DMD: variants seen among roughly 807,000 people sequenced by gnomAD.
DMD encodes the protein mutant dystrophin.
DMD carries 63 observed loss-of-function variants against 330.1 expected under a neutral mutation model. The observed-to-expected ratio is 0.19, with a 90% CI of 0.16 to 0.24. DMD has a LOEUF of 0.24. Among genes scored for constraint, DMD ranks in the 10% least tolerant of loss-of-function variants. The pLI, the probability that DMD is intolerant of heterozygous loss-of-function variation, is 1.00. For missense variants in DMD, 3,344 were observed against 2,684.1 expected (o/e 1.25, Z -5.43); for synonymous variants, 1,223 against 959.8 (o/e 1.27, Z -5.07).
At chrX:31,707,280 C>G (rs1400362364) in intron 52 of DMD, among the ~76,000 whole-genome samples, 1 of 110,850 alleles carries the variant, frequency 9.0e-6, no homozygotes, top group African/African-American at 3.3e-5. Context: ...AGGGCGTCAT[C>G]ATCCTAATTG....
intron 51 of DMD, among the ~76,000 whole-genome samples, chrX:31,731,744 T>C (rs928358398): frequency 3.6e-5 from 4 of 111,467 alleles, no homozygotes; most frequent in Non-Finnish European, 7.6e-5. Context: ...CTTTATTGGG[T>C]TGTTCTTCTT....
chrX:31,220,934 A>G (rs1296243123), intron 64 of DMD, among the ~76,000 whole-genome samples: 4 of 68,859 alleles, frequency 5.8e-5, no homozygotes, highest in African/African-American at 2.4e-4. Flanking sequence ...CTCATCAGCT[A>G]CCGTTAGCGT....
intron 44 of DMD, among the ~76,000 whole-genome samples, chrX:32,082,425 T>TATCC (rs753544475): frequency 5.9e-4 from 65 of 109,808 alleles, no homozygotes; most frequent in East Asian, 5.7e-4. Context: ...TCTATCTATC[T>TATCC]ATCTATCTAT....
Position 31,121,821 on chromosome X carries a change from G to T in DMD, c.*98C>A. 1 of 1,120,140 alleles carries T rather than the reference G, an allele frequency of 8.9e-7. No individual in the cohort carries two copies. Among genetic ancestry groups the T allele is most frequent in the Non-Finnish European group, 1.2e-6 (1 of 812,290 alleles). 92.3% of individuals were successfully genotyped at this position (1,120,140 alleles called of 1,213,427 possible). A position where few individuals can be genotyped will look rare whatever the true frequency, so the allele number is the denominator to read the frequency against. The stretch of plus-strand genomic sequence containing the variant: ...TATAAAAACCATGCGGGAATCAGGA[G>T]TTGTAAAACATTTATTCTGCTCCTT... On this transcript the variant is annotated 3_prime_UTR_variant, in exon 79 of 79. Transcript: ENST00000357033.
intron 1 of DMD, among the ~76,000 whole-genome samples, chrX:33,322,792 T>G (rs1308033661): frequency 1.8e-5 from 2 of 112,014 alleles, no homozygotes; most frequent in Admixed American, 1.9e-4. Flanking sequence ...ATCCCTATGC[T>G]AAAGAGTTAT....
Position 32,982,614 on chromosome X carries a change from G to T in DMD, c.93+37525C>A, listed in dbSNP as rs2092735930. Among the ~76,000 whole-genome samples, 4 of 111,688 alleles carry T rather than the reference G, an allele frequency of 3.6e-5. No individual in the cohort carries two copies. In the Admixed American group the frequency reaches 3.8e-4, roughly 11 times the overall value. ...TAAACCCAAGATAACTCTGAAGGTA[G>T]TCAGAAGAAGACGACGGAGTTTTGG... is the stretch of plus-strand genomic sequence containing the variant. On this transcript the variant is annotated intron_variant, in intron 2 of 78. Transcript: ENST00000357033.
chrX:31,572,032 G>A (rs752926405), intron 55 of DMD, among the ~76,000 whole-genome samples: 33 of 111,047 alleles, frequency 3.0e-4, no homozygotes, highest in Non-Finnish European at 5.8e-4. Context: ...CTACTGAGTA[G>A]TTGGCTTAAT....
intron 47 of DMD, among the ~76,000 whole-genome samples, chrX:31,929,167 T>C (rs1354900742): frequency 1.8e-5 from 2 of 112,059 alleles, no homozygotes; most frequent in Admixed American, 9.5e-5. Context: ...AATAAACTTG[T>C]GGCGAACGTT....
In DMD at chrX:31,305,168, C is replaced by T. The variant is rs1057196932; in HGVS notation, c.9224+18430G>A. On this transcript the variant is annotated intron_variant, in intron 62 of 78. Transcript: ENST00000357033. ...TAATAGTTTGTATATTTATGGGATA[C>T]GATGTGATGTTTTGATCTTGGTATA... Among the ~76,000 whole-genome samples the T allele has an allele frequency of 2.7e-5, 3 of 111,283 alleles. 1 individual carries two copies. Among genetic ancestry groups the T allele is most frequent in the Admixed American group, 1.9e-4 (2 of 10,466 alleles).
intron 37 of DMD, among the ~76,000 whole-genome samples, chrX:32,359,073 T>C (rs1464370068): frequency 9.0e-6 from 1 of 111,390 alleles, no homozygotes; most frequent in African/African-American, 3.3e-5. Context: ...TCAAAGCAGG[T>C]CTTGTGTCTT....
chrX:31,186,314 G>A (rs1300162226), intron 67 of DMD, among the ~76,000 whole-genome samples: 2 of 111,974 alleles, frequency 1.8e-5, no homozygotes, highest in Non-Finnish European at 1.9e-5. Flanking sequence ...GGAATACTCC[G>A]GAGCCAGAAA....
intron 2 of DMD, among the ~76,000 whole-genome samples, chrX:32,875,620 G>C (rs190492714): frequency 1.4e-4 from 16 of 112,191 alleles, no homozygotes; most frequent in Non-Finnish European, 2.4e-4. Context: ...TGCATTTATA[G>C]GTTATGGTCT....
At chrX:32,628,150 C>A (rs905365524) in intron 11 of DMD, among the ~76,000 whole-genome samples, 1 of 107,324 alleles carries the variant, frequency 9.3e-6, no homozygotes, top group East Asian at 2.9e-4. Flanking sequence ...TTCAATCTAA[C>A]TATATTTTTG....
At chrX:31,362,084 T>C (rs1226299854) in intron 60 of DMD, among the ~76,000 whole-genome samples, 1 of 112,514 alleles carries the variant, frequency 8.9e-6, no homozygotes, top group South Asian at 3.7e-4. Flanking sequence ...TTTTCCTTAC[T>C]GTATTGAAAT....
At chrX:32,683,710 G>T (rs2062617246) in intron 9 of DMD, among the ~76,000 whole-genome samples, 1 of 104,564 alleles carries the variant, frequency 9.6e-6, no homozygotes, top group African/African-American at 3.5e-5. Flanking sequence ...GAGTTAATGG[G>T]TGCAGCACAC....
At chrX:32,954,648 C>T (rs1313936330) in intron 2 of DMD, among the ~76,000 whole-genome samples, 1 of 111,045 alleles carries the variant, frequency 9.0e-6, no homozygotes, top group Non-Finnish European at 1.9e-5. Flanking sequence ...CAGATATAAG[C>T]CTACTAACCA....
Position 31,182,732 on chromosome X carries a change from T to G in DMD, c.9974+6A>C. 1.7e-6 allele frequency: 2 copies of G among 1,204,840 alleles called. No homozygotes were observed. Among genetic ancestry groups the G allele is most frequent in the Middle Eastern group, 2.3e-4 (1 of 4,341 alleles). On this transcript the variant is annotated splice_donor_region_variant and intron_variant, in intron 68 of 78. Transcript: ENST00000357033. ...AAAATGACATTTTTTTTTTGGTTCC[T>G]AATACCTGAATCCAATGATTGGACA...
intron 60 of DMD, among the ~76,000 whole-genome samples, chrX:31,424,875 A>G (rs1602694634): frequency 8.9e-6 from 1 of 112,238 alleles, no homozygotes; most frequent in Non-Finnish European, 1.9e-5. Flanking sequence ...TTGAGGCTCA[A>G]ATAAACAACT....
rs201817570 is a variant in DMD at position 31,945,330 on chromosome X, C to CT, written c.6615-13104dup. 5.2e-3 allele frequency among the ~76,000 whole-genome samples: 578 copies of CT among 111,605 alleles called. 4 individuals are homozygous for CT. The highest frequency in any genetic ancestry group is 0.018 in the African/African-American group (549 of 30,733). ...TGATACAGATACATGAATGGGTCTC[C>CT]TTTTTTTTATTGTTTTTATTTTTTG... On this transcript the variant is annotated intron_variant, in intron 45 of 78. Transcript: ENST00000357033.
Sources: gnomAD v4.1 joint callset for allele counts (sites outside exome capture counted in the v4.1 genomes callset) on GRCh38, gnomAD v4.1.1 for gene constraint, MANE v1.5 for transcripts, NCBI Gene and HGNC (gene_info 2026-07-23, HGNC 2026-07-21) for gene names.